Variants in NEMF observed in about 807,000 individuals in gnomAD.
NEMF encodes nuclear export mediator factor, also known as ribosome quality control complex subunit NEMF.
NEMF carries 89 observed loss-of-function variants against 162.2 expected under a neutral mutation model. The ratio of observed to expected loss-of-function variants is 0.55; its 90% CI spans 0.46 to 0.65. The LOEUF is 0.65. Ranked by LOEUF, NEMF falls within the 30% of genes least tolerant of loss-of-function variation. The pLI is 0.00. For missense variants in NEMF, 1,133 were observed against 1,261.9 expected, an observed-to-expected ratio of 0.90 and a Z score of 1.55; for synonymous variants, 421 against 404.5, an observed-to-expected ratio of 1.04 and a Z score of -0.49.
intron 5 of NEMF, among the ~76,000 whole-genome samples, chr14:49,840,330 C>T (rs185845542): frequency 1.6e-3 from 245 of 152,082 alleles, no homozygotes; most frequent in African/African-American, 5.7e-3. Context: ...GGCGTGGTGG[C>T]GCACGCCTAT....
Position 49,789,153 on chromosome 14 carries a change from T to G in NEMF, c.2888A>C (p.Asp963Ala). ...LQDFAVDDPH[D>A]DKEEQDLDQQ... Reference sequence around the variant, plus strand: ...CCCACAAAGTAGCCATACCTTGTCATCATGTGGATCATCTACAGCAAAGTC... The same window carrying G: ...CCCACAAAGTAGCCATACCTTGTCAGCATGTGGATCATCTACAGCAAAGTC... The change falls in exon 28 of 33, where the codon GAT becomes GCT. Residue 963 changes from aspartate (D) to alanine (A), a missense_variant. Physicochemically the swap from Asp to Ala is moderately radical, Grantham distance 126 (BLOSUM62 -2). Transcript: ENST00000298310. 6.2e-7 allele frequency: 1 copy of G among 1,613,408 alleles called. No individual in the cohort carries two copies. Among genetic ancestry groups the G allele is most frequent in the Non-Finnish European group, 8.5e-7 (1 of 1,179,594 alleles).
intron 16 of NEMF, among the ~76,000 whole-genome samples, chr14:49,815,305 C>T (rs80142268): frequency 6.6e-6 from 1 of 151,990 alleles, no homozygotes. Flanking sequence ...TTTTTAAATA[C>T]AAAAGACCAA....
intron 22 of NEMF, among the ~76,000 whole-genome samples, chr14:49,802,018 C>T (rs1049700880): frequency 4.7e-5 from 7 of 150,220 alleles, no homozygotes; most frequent in African/African-American, 1.7e-4. Flanking sequence ...GTGGCAGTGG[C>T]GTGATCTAGG....
chr14:49,799,152 G>A (rs1239274971), intron 25 of NEMF, among the ~76,000 whole-genome samples: 1 of 126,548 alleles, frequency 7.9e-6, no homozygotes, highest in Non-Finnish European at 1.6e-5. Flanking sequence ...AGGCTGCAGT[G>A]AGCCATGACT....
chr14:49,818,657 G>C (rs1420573360), intron 16 of NEMF, among the ~76,000 whole-genome samples: 1 of 152,100 alleles, frequency 6.6e-6, no homozygotes, highest in Non-Finnish European at 1.5e-5. Context: ...GTATAAAGAA[G>C]ATCTCTGGAC....
chr14:49,798,397 G>A (rs557949951), intron 25 of NEMF, among the ~76,000 whole-genome samples: 4 of 152,168 alleles, frequency 2.6e-5, no homozygotes, highest in East Asian at 1.9e-4. Context: ...TATCTTGCTC[G>A]CTTTCATTCA....
At chr14:49,801,417 G>A (rs1485894735) in intron 22 of NEMF, 2 of 151,942 alleles carry the variant, frequency 1.3e-5, no homozygotes, top group South Asian at 4.2e-4. Flanking sequence ...GAACCTGGGC[G>A]GCAGAGGTTG....
chr14:49,817,157 G>C (rs1282229344), intron 16 of NEMF, among the ~76,000 whole-genome samples: 15 of 150,416 alleles, frequency 1.0e-4, no homozygotes, highest in African/African-American at 3.6e-4. Flanking sequence ...GATGAAAAAA[G>C]ACAGGCCAGG....
At chr14:49,835,195 C>CG (rs1892838620) in intron 6 of NEMF, among the ~76,000 whole-genome samples, 1 of 143,216 alleles carries the variant, frequency 7.0e-6, no homozygotes, top group Non-Finnish European at 1.5e-5. Flanking sequence ...AGTGAAACTC[C>CG]GTCCCCCGCC....
At chr14:49,807,271 T>C (rs567599919) in intron 18 of NEMF, among the ~76,000 whole-genome samples, 6 of 152,266 alleles carry the variant, frequency 3.9e-5, no homozygotes, top group Non-Finnish European at 8.8e-5. Flanking sequence ...TATCACATTT[T>C]GTTTATTCAT....
intron 6 of NEMF, among the ~76,000 whole-genome samples, chr14:49,836,206 G>A (rs2139992963): frequency 6.6e-6 from 1 of 152,284 alleles, no homozygotes; most frequent in South Asian, 2.1e-4. Flanking sequence ...TTGAACCCAG[G>A]AAATGGAGGT....
intron 6 of NEMF, among the ~76,000 whole-genome samples, chr14:49,836,172 G>A (rs1283561608): frequency 6.6e-6 from 1 of 152,184 alleles, no homozygotes; most frequent in Non-Finnish European, 1.5e-5. Flanking sequence ...CCAGCTACGT[G>A]GGAGGCTGAG....
chr14:49,809,328 C>T (rs981459448), intron 18 of NEMF, among the ~76,000 whole-genome samples: 7 of 151,856 alleles, frequency 4.6e-5, no homozygotes, highest in Admixed American at 1.3e-4. Context: ...GAATATTATT[C>T]AGGGATAAAA....
At position 49,832,352 on chromosome 14, in the gene NEMF, C is replaced by T. The variant is rs1437801692; in HGVS notation, c.736-75G>A. On this transcript the variant is annotated intron_variant, in intron 8 of 32. Transcript: ENST00000298310. The stretch of plus-strand genomic sequence containing the variant: ...TTACTTCTTTTTTTTTTTTTTGATA[C>T]AGTCGCGCTCGCTCCATCACCCAGG... 13 of 987,824 alleles carry T rather than the reference C, an allele frequency of 1.3e-5. No individual in the cohort carries two copies. In the Admixed American group the frequency reaches 2.2e-4, roughly 17 times the overall value. 61.2% of individuals were successfully genotyped at this position (987,824 alleles called of 1,614,324 possible).
At chr14:49,805,850 T>G (rs1378680158) in intron 19 of NEMF, among the ~76,000 whole-genome samples, 171 bp downstream of exon 19, 1 of 152,112 alleles carries the variant, frequency 6.6e-6, no homozygotes, top group African/African-American at 2.4e-5. Flanking sequence ...TTCCATGCTT[T>G]TAAAAACACT....
intron 22 of NEMF, 59 bp from the exon 23 acceptor site, chr14:49,800,755 C>T (rs1366025464): frequency 2.7e-6 from 4 of 1,461,438 alleles, no homozygotes; most frequent in Non-Finnish European, 3.7e-6. Context: ...AGGTGATTTC[C>T]TAAAAATGTC....
At chr14:49,850,371 A>G (rs1420948007) in intron 3 of NEMF, among the ~76,000 whole-genome samples, 3 of 152,170 alleles carry the variant, frequency 2.0e-5, no homozygotes, top group Non-Finnish European at 2.9e-5. Context: ...TACAGGCATG[A>G]GCCACCGCAC....
At chr14:49,800,925 A>C in intron 22 of NEMF, 1 of 474,102 alleles carries the variant, frequency 2.1e-6, no homozygotes, top group Admixed American at 3.8e-5. Context: ...AATTTCTTGG[A>C]CATTGCTACC....
intron 26 of NEMF, among the ~76,000 whole-genome samples, chr14:49,794,295 G>C (rs1235180529): frequency 1.3e-5 from 2 of 152,040 alleles, no homozygotes; most frequent in Admixed American, 6.6e-5. Flanking sequence ...TCTCAATTCT[G>C]ATTAAAGTCA....
Sources: gnomAD v4.1 joint callset for allele counts (sites outside exome capture counted in the v4.1 genomes callset) on GRCh38, gnomAD v4.1.1 for gene constraint, MANE v1.5 for transcripts, NCBI Gene and HGNC (gene_info 2026-07-23, HGNC 2026-07-21) for gene names.